The following TMEM132B variants were observed in gnomAD, a reference collection of about 807,000 sequenced individuals.
TMEM132B encodes transmembrane protein 132B.
TMEM132B carries 18 observed loss-of-function variants against 90.8 expected under a neutral mutation model. That is an observed-to-expected ratio of 0.20 (90% CI 0.14 to 0.29). The LOEUF is 0.29. Among genes scored for constraint, TMEM132B ranks in the 10% least tolerant of loss-of-function variants. TMEM132B has a pLI of 1.00. For synonymous variants in TMEM132B, 504 were observed against 523.3 expected, an observed-to-expected ratio of 0.96 and a Z score of 0.50; for missense variants, 1,096 against 1,326.8, an observed-to-expected ratio of 0.83 and a Z score of 2.70.
chr12:125,243,493 A>G (rs1874136913), intron 1 of TMEM132B, among the ~76,000 whole-genome samples: 1 of 151,882 alleles, frequency 6.6e-6, no homozygotes, highest in Non-Finnish European at 1.5e-5. Flanking sequence ...TTTAGTAGAG[A>G]TGGGGTTTGA....
At chr12:125,191,452 G>A (rs1872785974) in intron 1 of TMEM132B, among the ~76,000 whole-genome samples, 1 of 152,122 alleles carries the variant, frequency 6.6e-6, no homozygotes, top group South Asian at 2.1e-4. Flanking sequence ...TCCCAGCCCA[G>A]GCACTGGTCT....
chr12:125,582,912 G>C (rs1237327880), intron 4 of TMEM132B, among the ~76,000 whole-genome samples: 3 of 152,202 alleles, frequency 2.0e-5, no homozygotes, highest in Non-Finnish European at 4.4e-5. Flanking sequence ...TGTGGTGAGG[G>C]ACAGAAAGAC....
chr12:125,615,030 A>G (rs1272182077), intron 5 of TMEM132B, among the ~76,000 whole-genome samples: 1 of 152,158 alleles, frequency 6.6e-6, no homozygotes, highest in Non-Finnish European at 1.5e-5. Flanking sequence ...TCTGATGAGA[A>G]GTCAGCTATT....
chr12:125,235,004 C>A (rs1873901996), intron 1 of TMEM132B, among the ~76,000 whole-genome samples: 1 of 152,162 alleles, frequency 6.6e-6, no homozygotes, highest in Non-Finnish European at 1.5e-5. Context: ...GAGCCTGTAG[C>A]ATCATGGGGT....
intron 1 of TMEM132B, among the ~76,000 whole-genome samples, chr12:125,231,702 A>G (rs1182529960): frequency 6.6e-6 from 1 of 152,124 alleles, no homozygotes; most frequent in African/African-American, 2.4e-5. Flanking sequence ...TATTTTTTAA[A>G]TTCTAGGATT....
intron 1 of TMEM132B, among the ~76,000 whole-genome samples, chr12:125,307,996 T>TGTGTAAGTA (rs1876034341): frequency 7.2e-6 from 1 of 138,602 alleles, no homozygotes; most frequent in African/African-American, 2.6e-5. Flanking sequence ...AATATAAATA[T>TGTGTAAGTA]ATATAAGTAA....
At chr12:125,588,912 C>A (rs1885240294) in intron 5 of TMEM132B, among the ~76,000 whole-genome samples, 2 of 151,944 alleles carry the variant, frequency 1.3e-5, no homozygotes, top group South Asian at 4.2e-4. Flanking sequence ...GATAAAAAGC[C>A]CAATGTGGAG....
chr12:125,340,197 G>A (rs554643449), intron 1 of TMEM132B, among the ~76,000 whole-genome samples: 1 of 152,164 alleles, frequency 6.6e-6, no homozygotes, highest in Admixed American at 6.5e-5. Flanking sequence ...AATGAAAAGA[G>A]TAGGTGTAAG....
intron 3 of TMEM132B, among the ~76,000 whole-genome samples, chr12:125,452,214 G>A (rs1336672382): frequency 6.6e-6 from 1 of 152,146 alleles, no homozygotes; most frequent in East Asian, 1.9e-4. Context: ...GATGTCTGCT[G>A]TAAGTCATAT....
intron 1 of TMEM132B, among the ~76,000 whole-genome samples, chr12:125,205,755 C>A (rs1035384883): frequency 6.6e-6 from 1 of 152,196 alleles, no homozygotes; most frequent in Non-Finnish European, 1.5e-5. Context: ...AGCTGTATGG[C>A]CTTTTATGAC....
intron 5 of TMEM132B, among the ~76,000 whole-genome samples, chr12:125,605,761 G>A (rs1469317327): frequency 6.6e-6 from 1 of 152,204 alleles, no homozygotes; most frequent in African/African-American, 2.4e-5. Flanking sequence ...AGATATGGCA[G>A]CTGAGGCAAA....
chr12:125,584,933 T>A (rs948159007), intron 5 of TMEM132B: 9 of 152,190 alleles, frequency 5.9e-5, no homozygotes, highest in Admixed American at 2.6e-4. Context: ...ATACAATAAC[T>A]CAGAGTTCTG....
intron 5 of TMEM132B, among the ~76,000 whole-genome samples, chr12:125,638,570 G>A (rs1886546141): frequency 6.6e-6 from 1 of 151,740 alleles, no homozygotes; most frequent in African/African-American, 2.4e-5. Context: ...TTGTTTGTAC[G>A]TTTGTGAGAA....
In TMEM132B at chr12:125,415,597, C is replaced by T. The variant is rs191597906; in HGVS notation, c.1026C>T (p.Val342=). 7 of 1,614,162 alleles carry T rather than the reference C, an allele frequency of 4.3e-6. No individual in the cohort carries two copies. Among genetic ancestry groups the T allele is most frequent in the Middle Eastern group, 1.6e-4 (1 of 6,062 alleles). The change falls in exon 3 of 9, where the codon GTC becomes GTT. Residue 342 remains valine, a synonymous_variant. Coordinates refer to ENST00000682704, the MANE Select transcript of TMEM132B (RefSeq NM_001366854.1). This position sits in a 1 kb window ranked among gnomAD's most constrained non-coding sequence, Gnocchi z 5.3. ...TCAGCAGTGAGGACCAATGGGCAGTCCAGGAGGAAATTGATAATGGCAGCA... is the reference window on the plus strand; with the variant it reads ...TCAGCAGTGAGGACCAATGGGCAGTTCAGGAGGAAATTGATAATGGCAGCA... ...VRVSSEDQWA[V]QEEIDNGSTQ...
intron 1 of TMEM132B, among the ~76,000 whole-genome samples, chr12:125,333,912 A>T (rs1332980246): frequency 6.6e-6 from 1 of 152,112 alleles, no homozygotes; most frequent in Non-Finnish European, 1.5e-5. Flanking sequence ...TGGCATGGTT[A>T]TATTTCTGCT....
At chr12:125,202,187 G>C (rs1873078127) in intron 1 of TMEM132B, among the ~76,000 whole-genome samples, 1 of 152,260 alleles carries the variant, frequency 6.6e-6, no homozygotes. Flanking sequence ...TGGGATGTTT[G>C]TTGAAAGCGC....
chr12:125,360,268 C>T (rs545671991), intron 2 of TMEM132B, among the ~76,000 whole-genome samples: 168 of 152,286 alleles, frequency 1.1e-3, no homozygotes, highest in African/African-American at 3.9e-3. Flanking sequence ...TACTCTTACA[C>T]CCCAAACCTT....
At chr12:125,194,717 G>A (rs983104600) in intron 1 of TMEM132B, among the ~76,000 whole-genome samples, 2 of 150,528 alleles carry the variant, frequency 1.3e-5, no homozygotes, top group Non-Finnish European at 3.0e-5. Context: ...GGGGCACCTG[G>A]GCAGAGAGAT....
intron 3 of TMEM132B, among the ~76,000 whole-genome samples, chr12:125,488,097 G>T (rs143325041): frequency 1.3e-5 from 2 of 152,252 alleles, no homozygotes; most frequent in Admixed American, 1.3e-4. Flanking sequence ...TTATGCAAAA[G>T]CTCTTAGCAC....
Sources: gnomAD v4.1 joint callset for allele counts (sites outside exome capture counted in the v4.1 genomes callset) on GRCh38, gnomAD v4.1.1 for gene constraint, Gnocchi (gnomAD v3.1) non-coding constraint, MANE v1.5 for transcripts, NCBI Gene and HGNC (gene_info 2026-07-23, HGNC 2026-07-21) for gene names.